The following CNTN4 variants were observed in gnomAD, a reference collection of about 807,000 sequenced individuals.
The protein encoded by CNTN4 is contactin-4.
CNTN4 carries 77 observed loss-of-function variants against 122.5 expected under a neutral mutation model. That is an observed-to-expected ratio of 0.63 (90% CI 0.52 to 0.76). The LOEUF (loss-of-function observed/expected upper bound fraction) is 0.76, where lower values mean the gene tolerates loss of function less well. Ranked by LOEUF, CNTN4 falls within the 30% of genes least tolerant of loss-of-function variation. The pLI is 0.00. For missense variants in CNTN4, 1,256 were observed against 1,259.1 expected (o/e 1.00, Z 0.04); for synonymous variants, 512 against 447.0 (o/e 1.15, Z -1.83).
chr3:2,296,800 A>C (rs2042330647), intron 2 of CNTN4, among the ~76,000 whole-genome samples: 2 of 144,214 alleles, frequency 1.4e-5, no homozygotes, highest in South Asian at 2.1e-4. Flanking sequence ...AAAAAAAAAA[A>C]CAACAAAAAA....
Position 2,295,602 on chromosome 3 carries a change from C to T in CNTN4, c.-144-43576C>T, listed in dbSNP as rs141460575. Among the ~76,000 whole-genome samples, 1,181 of 152,038 alleles carry T rather than the reference C, an allele frequency of 7.8e-3. 21 individuals carry two copies. Among genetic ancestry groups the T allele is most frequent in the African/African-American group, 0.026 (1,091 of 41,446 alleles). On this transcript the variant is annotated intron_variant, in intron 2 of 24. Transcript: ENST00000418658. ...AGTCCTTTGTCAGATGAGTAGGTTG[C>T]GAAAATTTTCTCCCATTCTATAGGT...
intron 2 of CNTN4, among the ~76,000 whole-genome samples, chr3:2,194,818 A>C (rs2037758199): frequency 6.6e-6 from 1 of 152,178 alleles, no homozygotes; most frequent in Non-Finnish European, 1.5e-5. Flanking sequence ...GCTATGAAGA[A>C]GTTTTCGTGA....
At chr3:2,265,578 G>A (rs6802835) in intron 2 of CNTN4, among the ~76,000 whole-genome samples, 1,820 of 152,008 alleles carry the variant, frequency 0.012, 18 homozygotes, top group Middle Eastern at 0.031. Flanking sequence ...GAAATTTTAG[G>A]ATTGTATTTT....
At chr3:2,778,245 T>G (rs139289644) in intron 6 of CNTN4, among the ~76,000 whole-genome samples, 1,968 of 135,146 alleles carry the variant, frequency 0.015, 25 homozygotes, top group Admixed American at 0.027. Context: ...AATAAATAAA[T>G]AAATAAATAA....
intron 3 of CNTN4, among the ~76,000 whole-genome samples, chr3:2,480,007 A>G (rs1213754238): frequency 6.9e-6 from 1 of 145,910 alleles, no homozygotes; most frequent in Non-Finnish European, 1.6e-5. Flanking sequence ...CAGTAGGCTA[A>G]AGAAGAAAAA....
chr3:2,302,229 G>C (rs1355300506), intron 2 of CNTN4, among the ~76,000 whole-genome samples: 1 of 152,160 alleles, frequency 6.6e-6, no homozygotes, highest in Non-Finnish European at 1.5e-5. Flanking sequence ...AGGAATTTGA[G>C]ACCAGCCTGG....
intron 18 of CNTN4, among the ~76,000 whole-genome samples, chr3:3,038,278 C>T (rs552063837): frequency 2.0e-5 from 3 of 152,296 alleles, no homozygotes; most frequent in Admixed American, 1.3e-4. Flanking sequence ...GAGGTGGAAG[C>T]TCGCATAATT....
intron 6 of CNTN4, among the ~76,000 whole-genome samples, chr3:2,785,744 T>C (rs917579136): frequency 2.0e-5 from 3 of 152,078 alleles, no homozygotes; most frequent in Non-Finnish European, 2.9e-5. Context: ...GCTGAAGTGA[T>C]ACGGACAGGA....
At chr3:2,499,943 A>C (rs141305617) in intron 3 of CNTN4, among the ~76,000 whole-genome samples, 1 of 152,070 alleles carries the variant, frequency 6.6e-6, no homozygotes, top group East Asian at 1.9e-4. Flanking sequence ...TGCAGATCCC[A>C]TGCAAGTTTT....
intron 3 of CNTN4, among the ~76,000 whole-genome samples, chr3:2,343,643 AC>A (rs2044290955): frequency 6.6e-6 from 1 of 152,090 alleles, no homozygotes; most frequent in Non-Finnish European, 1.5e-5. Flanking sequence ...ATTTCAATAA[AC>A]CTGTGCTTTC....
chr3:3,040,159 C>A lies in CNTN4; in HGVS notation c.2286C>A (p.Phe762Leu). 6.2e-7 allele frequency: 1 copy of A among 1,614,142 alleles called. No homozygotes were observed. The highest frequency in any genetic ancestry group is 8.5e-7 in the Non-Finnish European group (1 of 1,179,970). The part of the protein sequence containing the change: ...LASADASRYV[F>L]RNESVHPFSP... The stretch of plus-strand genomic sequence containing the variant: ...CAGCTGATGCCTCTAGATACGTGTT[C>A]AGGAATGAGAGCGTGCACCCCTTCT... The change falls in exon 20 of 25, where the codon TTC becomes TTA. Residue 762 changes from phenylalanine (F) to leucine (L), a missense_variant. By Grantham distance (22) the Phe-to-Leu change is conservative (BLOSUM62 0). Transcript: ENST00000418658.
intron 3 of CNTN4, among the ~76,000 whole-genome samples, chr3:2,432,834 G>A (rs567367749): frequency 6.9e-4 from 90 of 129,922 alleles, no homozygotes; most frequent in African/African-American, 2.1e-3. Flanking sequence ...TTTTTGATAC[G>A]GTCTCACTCT....
intron 3 of CNTN4, among the ~76,000 whole-genome samples, chr3:2,558,836 C>T (rs1464793667): frequency 1.3e-5 from 2 of 152,188 alleles, no homozygotes; most frequent in Non-Finnish European, 2.9e-5. Flanking sequence ...TTGGATAAAA[C>T]TCACTGTATA....
At chr3:2,403,708 C>T (rs2046936587) in intron 3 of CNTN4, among the ~76,000 whole-genome samples, 1 of 152,094 alleles carries the variant, frequency 6.6e-6, no homozygotes, top group African/African-American at 2.4e-5. Flanking sequence ...AAAGAACTTT[C>T]ATTTACAGTA....
chr3:2,342,777 T>C (rs1475369170), intron 3 of CNTN4, among the ~76,000 whole-genome samples: 3 of 152,240 alleles, frequency 2.0e-5, no homozygotes. Context: ...GTGAGTCAAT[T>C]AAACCTCTTT....
At chr3:2,749,712 C>A (rs1293023590) in intron 6 of CNTN4, among the ~76,000 whole-genome samples, 2 of 151,968 alleles carry the variant, frequency 1.3e-5, no homozygotes, top group Non-Finnish European at 2.9e-5. Context: ...CCAAACCCAC[C>A]CTTTCTATTC....
chr3:2,896,878 C>G (rs978772500), intron 10 of CNTN4, among the ~76,000 whole-genome samples: 1 of 151,562 alleles, frequency 6.6e-6, no homozygotes, highest in African/African-American at 2.4e-5. Context: ...GTGTCCGCAA[C>G]CAGAAATAAC....
At chr3:2,647,296 G>A (rs971179888) in intron 4 of CNTN4, among the ~76,000 whole-genome samples, 10 of 152,148 alleles carry the variant, frequency 6.6e-5, no homozygotes, top group Non-Finnish European at 1.0e-4. Flanking sequence ...CAAGAGAATC[G>A]CTTGAACCTG....
At chr3:2,239,005 G>T (rs1031525360) in intron 2 of CNTN4, 1 of 151,268 alleles carries the variant, frequency 6.6e-6, no homozygotes, top group Non-Finnish European at 1.5e-5. Context: ...GATGACAGGC[G>T]TGAGCCACCG....
Sources: gnomAD v4.1 joint callset for allele counts (sites outside exome capture counted in the v4.1 genomes callset) on GRCh38, gnomAD v4.1.1 for gene constraint, MANE v1.5 for transcripts, NCBI Gene and HGNC (gene_info 2026-07-23, HGNC 2026-07-21) for gene names.